FEZ2: variants seen among roughly 807,000 people sequenced by gnomAD.
FEZ2 encodes the protein fasciculation and elongation protein zeta-2.
In FEZ2, 51 loss-of-function variants were observed where a neutral mutation model predicts 40.4. The ratio of observed to expected loss-of-function variants is 1.26; its 90% CI spans 1.01 to 1.59. The LOEUF is 1.59. Among genes scored for constraint, FEZ2 ranks in the 40% most tolerant of loss-of-function variants. The probability of loss-of-function intolerance (pLI) is 0.00; values close to 1 mark genes in which losing one functional copy is unlikely to be tolerated. For missense variants in FEZ2, 640 were observed against 438.3 expected (o/e 1.46, Z -4.11); for synonymous variants, 242 against 172.0 (o/e 1.41, Z -3.18).
At position 36,577,130 on chromosome 2, in the gene FEZ2, G is replaced by C. The variant is rs146848945; in HGVS notation, c.903+1467C>G. ...GGATTGTATATTCAAACAAATGTGG[G>C]TTGGTTTTGGGTTTTTTTCAGAGTA... On this transcript the variant is annotated intron_variant, in intron 5 of 7. Transcript: ENST00000405912. Among the ~76,000 whole-genome samples, 1,409 of 152,262 alleles carry C rather than the reference G, an allele frequency of 9.3e-3. 14 individuals carry two copies. The highest frequency in any genetic ancestry group is 0.033 in the African/African-American group (1,351 of 41,546).
At position 36,560,480 on chromosome 2, in the gene FEZ2, T is replaced by G. The variant is rs566284166; in HGVS notation, c.904-1967A>C. Among the ~76,000 whole-genome samples the G allele has an allele frequency of 2.0e-5, 3 of 152,340 alleles. No homozygotes were observed. In the East Asian group the frequency reaches 5.8e-4, roughly 29 times the overall value. ...TTTAGTTATTTTCACAAGCAGATTT[T>G]CTACACATGCAATACATTATGTTAA... On this transcript the variant is annotated intron_variant, in intron 5 of 7. Transcript: ENST00000405912.
chr2:36,597,463 G>A (rs1042875826), intron 1 of FEZ2, among the ~76,000 whole-genome samples: 15 of 152,204 alleles, frequency 9.9e-5, no homozygotes, highest in African/African-American at 3.4e-4. Flanking sequence ...GTGCCCAGTC[G>A]TTTTGGTGTT....
chr2:36,581,397 G>A lies in FEZ2; in HGVS notation c.527C>T (p.Ser176Leu). Residue 176 changes from serine to leucine, a missense_variant, in exon 4 of 8, where the codon TCA becomes TTA. Coordinates refer to ENST00000405912, the MANE Select transcript of FEZ2 (RefSeq NM_005102.3). ...IEEIEEMMQE[S>L]PDPEDDETPT... ...GGTTTCATCATCTTCTGGGTCCGGT[G>A]ATTCCTGCATCATTTCTTCAATTTC... 1.2e-6 allele frequency: 2 copies of A among 1,613,346 alleles called. No homozygotes were observed. The highest frequency in any genetic ancestry group is 2.2e-5 in the East Asian group (1 of 44,866).
chr2:36,553,145 G>C lies in FEZ2; in HGVS notation c.*18C>G, dbSNP rs567071887. The C allele has an allele frequency of 6.4e-7, 1 of 1,563,206 alleles. No homozygotes were observed. Among genetic ancestry groups the C allele is most frequent in the Non-Finnish European group, 8.7e-7 (1 of 1,151,128 alleles). On this transcript the variant is annotated 3_prime_UTR_variant, in exon 8 of 8. Transcript: ENST00000405912. ...TCGGAAATCTAGCTTGGAGCCCACC[G>C]CAGATAAAGTTGCTGCTCTATGTAG...
At chr2:36,560,394 T>C (rs1668061664) in intron 5 of FEZ2, among the ~76,000 whole-genome samples, 1 of 152,216 alleles carries the variant, frequency 6.6e-6, no homozygotes, top group African/African-American at 2.4e-5. Context: ...CATCTGGCCT[T>C]CTTCCCCCAA....
chr2:36,586,544 T>C (rs775073273), intron 2 of FEZ2, among the ~76,000 whole-genome samples: 7 of 151,758 alleles, frequency 4.6e-5, no homozygotes, highest in Non-Finnish European at 7.4e-5. Flanking sequence ...GGAGGATCAC[T>C]TGAGCCCAGG....
At chr2:36,586,825 T>C (rs1162342950) in intron 2 of FEZ2, among the ~76,000 whole-genome samples, 1 of 151,932 alleles carries the variant, frequency 6.6e-6, no homozygotes, top group East Asian at 1.9e-4. Flanking sequence ...TACTCGTGTG[T>C]AGTCTAGCTA....
intron 2 of FEZ2, chr2:36,584,153 T>A (rs961637918): frequency 6.6e-6 from 1 of 152,278 alleles, no homozygotes; most frequent in African/African-American, 2.4e-5. Context: ...ACTGGCAGAC[T>A]GGAAGGTGGG....
chr2:36,576,106 G>A (rs1308438197), intron 5 of FEZ2, among the ~76,000 whole-genome samples: 1 of 152,132 alleles, frequency 6.6e-6, no homozygotes, highest in African/African-American at 2.4e-5. Flanking sequence ...GACTGCATGT[G>A]ATATAAAATG....
rs540077371 is a variant in FEZ2 at position 36,574,144 on chromosome 2, C to T, written c.903+4453G>A. On this transcript the variant is annotated intron_variant, in intron 5 of 7. Transcript: ENST00000405912. Reference sequence around the variant, plus strand: ...GGACATATATAACAATTAGCATTTACTCATGGTGTTTGCTATGTTTGCTAA... The same window carrying T: ...GGACATATATAACAATTAGCATTTATTCATGGTGTTTGCTATGTTTGCTAA... Among the ~76,000 whole-genome samples the T allele has an allele frequency of 5.9e-5, 9 of 152,274 alleles. No homozygotes were observed. In the East Asian group the frequency reaches 1.7e-3, roughly 29 times the overall value.
At chr2:36,590,863 A>G (rs770597338) in intron 2 of FEZ2, 40 bp downstream of exon 2, 4 of 1,076,922 alleles carry the variant, frequency 3.7e-6, no homozygotes, top group Admixed American at 1.7e-5. Context: ...TATTATCAGC[A>G]TCAGTTATTC....
chr2:36,580,261 G>A (rs1439394156), intron 4 of FEZ2, among the ~76,000 whole-genome samples: 1 of 152,186 alleles, frequency 6.6e-6, no homozygotes, highest in Non-Finnish European at 1.5e-5. Context: ...ATACCTACAG[G>A]AACATGGCCA....
intron 5 of FEZ2, among the ~76,000 whole-genome samples, chr2:36,565,954 G>A (rs889733279): frequency 1.3e-5 from 2 of 152,092 alleles, no homozygotes; most frequent in African/African-American, 4.8e-5. Flanking sequence ...GGGCAAAATT[G>A]GCCTGGTTGA....
At chr2:36,579,752 G>A (rs1668679249) in intron 4 of FEZ2, among the ~76,000 whole-genome samples, 1 of 152,062 alleles carries the variant, frequency 6.6e-6, no homozygotes, top group Non-Finnish European at 1.5e-5. Flanking sequence ...TGCAAGAATG[G>A]ACTAAAAAAA....
At chr2:36,580,598 C>G (rs773322181) in intron 4 of FEZ2, among the ~76,000 whole-genome samples, 45 of 152,136 alleles carry the variant, frequency 3.0e-4, no homozygotes, top group Non-Finnish European at 4.4e-4. Context: ...CCATGGTTCC[C>G]AAAATTCTTC....
chr2:36,583,463 C>A lies in FEZ2; in HGVS notation c.382G>T (p.Asp128Tyr), dbSNP rs1668812799. 1.3e-6 allele frequency: 2 copies of A among 1,555,214 alleles called. No individual in the cohort carries two copies. Among genetic ancestry groups the A allele is most frequent in the African/African-American group, 1.4e-5 (1 of 73,730 alleles). Reference sequence around the variant, plus strand: ...TCTGATGTATCAAAGAGCAAACTGTCACTTACCTAAAAACAAAAATACCCA... The same window carrying A: ...TCTGATGTATCAAAGAGCAAACTGTAACTTACCTAAAAACAAAAATACCCA... ...TLNLSEKGVSDSLLFDTSDDE... is the reference protein window; with the variant it reads ...TLNLSEKGVSYSLLFDTSDDE... Residue 128 changes from aspartate to tyrosine, a missense_variant, in exon 3 of 8, where the codon GAC becomes TAC. Transcript: ENST00000405912.
chr2:36,554,172 A>C (rs1471893006), intron 7 of FEZ2: 2 of 471,040 alleles, frequency 4.2e-6, no homozygotes, highest in Non-Finnish European at 8.8e-6. Context: ...GGGCTTACAG[A>C]CAGGAGCCAG....
chr2:36,585,164 A>C (rs1005311182), intron 2 of FEZ2, among the ~76,000 whole-genome samples: 1 of 152,244 alleles, frequency 6.6e-6, no homozygotes, highest in African/African-American at 2.4e-5. Flanking sequence ...TCTCAATAGC[A>C]ACAATAGATG....
intron 5 of FEZ2, 87 bp downstream of exon 5, chr2:36,578,510 C>G: frequency 7.2e-7 from 1 of 1,382,520 alleles, no homozygotes; most frequent in East Asian, 2.3e-5. Context: ...CATGTACAAC[C>G]TGTCGCACCT....
Sources: gnomAD v4.1 joint callset for allele counts (sites outside exome capture counted in the v4.1 genomes callset) on GRCh38, gnomAD v4.1.1 for gene constraint, MANE v1.5 for transcripts, NCBI Gene and HGNC (gene_info 2026-07-23, HGNC 2026-07-21) for gene names.